ZFP62: variants seen among roughly 807,000 people sequenced by gnomAD.
ZFP62 encodes the protein ZFP62 zinc finger protein, also known as zinc finger protein 62 homolog.
A neutral mutation model predicts 56.4 loss-of-function variants in ZFP62; 44 were observed. The ratio of observed to expected loss-of-function variants is 0.78; its 90% CI spans 0.61 to 1.00. ZFP62 has a LOEUF of 1.00. ZFP62 is among the 50% of genes least tolerant of loss of function. ZFP62 has a pLI of 0.00. For synonymous variants in ZFP62, 421 were observed against 388.9 expected, an observed-to-expected ratio of 1.08 and a Z score of -0.97; for missense variants, 1,030 against 1,085.7, an observed-to-expected ratio of 0.95 and a Z score of 0.72.
At chr5:180,855,248 G>C (rs573055764) in intron 1 of ZFP62, among the ~76,000 whole-genome samples, 3 of 152,180 alleles carry the variant, frequency 2.0e-5, no homozygotes, top group Non-Finnish European at 4.4e-5. Flanking sequence ...AATTTTTTCT[G>C]TGCATTTGAA....
At chr5:180,845,175 A>C (rs1773387746), downstream of ZFP62, among the ~76,000 whole-genome samples, 1 of 151,778 alleles carries the variant, frequency 6.6e-6, no homozygotes, top group East Asian at 1.9e-4. Flanking sequence ...CTCTACCAAA[A>C]ATACCAAAGT....
rs146592729 is a variant in ZFP62, at chr5:180,853,262, T to C, written c.2-1769A>G. 4.6e-5 allele frequency among the ~76,000 whole-genome samples: 7 copies of C among 152,358 alleles called. No individual in the cohort carries two copies. In the East Asian group the frequency reaches 7.7e-4, roughly 17 times the overall value. On this transcript the variant is annotated intron_variant, in intron 1 of 1. Coordinates refer to ENST00000502412, the MANE Select transcript of ZFP62 (RefSeq NM_001172638.2). ...AAAAAGGACGAGGAGCGCTTCTGAA[T>C]TGATATGGAGCAATCTGTATATCCT...
the ZFP62 span, chr5:180,832,049 A>C: frequency 6.6e-6 from 1 of 152,574 alleles, no homozygotes; most frequent in African/African-American, 2.4e-5. Flanking sequence ...AGATCGCACC[A>C]TTGCACTCCA....
downstream of ZFP62, among the ~76,000 whole-genome samples, chr5:180,842,934 TG>T (rs1229123505): frequency 2.0e-5 from 3 of 151,216 alleles, no homozygotes; most frequent in Admixed American, 6.6e-5. Context: ...TCCCAGCTAC[TG>T]GGGAGGCTGA....
rs569620866 is a variant in ZFP62 at position 180,853,245 on chromosome 5, C to T, written c.2-1752G>A. ...TACACAACGGAGTACTGAAAAAGGACGAGGAGCGCTTCTGAATTGATATGG... is the reference window on the plus strand; with the variant it reads ...TACACAACGGAGTACTGAAAAAGGATGAGGAGCGCTTCTGAATTGATATGG... On this transcript the variant is annotated intron_variant, in intron 1 of 1. Transcript: ENST00000502412. 4.0e-4 allele frequency among the ~76,000 whole-genome samples: 61 copies of T among 152,228 alleles called. 1 individual carries two copies. In the Middle Eastern group the frequency reaches 0.01, roughly 25 times the overall value.
downstream of ZFP62, among the ~76,000 whole-genome samples, chr5:180,844,192 T>G (rs931712616): frequency 6.6e-6 from 1 of 152,268 alleles, no homozygotes; most frequent in Non-Finnish European, 1.5e-5. Context: ...GATAGTCAAT[T>G]TAACAACGTT....
chr5:180,832,063 T>A, the ZFP62 span: 1 of 152,366 alleles, frequency 6.6e-6, no homozygotes, highest in Non-Finnish European at 1.5e-5. Flanking sequence ...CACTCCAGCC[T>A]GGGTGACAAG....
the ZFP62 span, chr5:180,832,879 C>T: frequency 6.6e-6 from 1 of 152,190 alleles, no homozygotes; most frequent in African/African-American, 2.4e-5. Flanking sequence ...GACACTTGCT[C>T]AAGTTTGAGA....
chr5:180,840,770 T>C, the ZFP62 span, among the ~76,000 whole-genome samples: 3 of 142,482 alleles, frequency 2.1e-5, no homozygotes, highest in African/African-American at 7.9e-5. Flanking sequence ...AAAAAAAAAA[T>C]AGAAGTAGCT....
the ZFP62 span, chr5:180,829,943 A>G: frequency 6.6e-6 from 1 of 152,172 alleles, no homozygotes; most frequent in Non-Finnish European, 1.5e-5. Context: ...ATACCAAAGA[A>G]AATAAGAATC....
chr5:180,858,257 C>CAAAAAAAAAAAAAAAAAAAAAA (rs1159409435), intron 1 of ZFP62, among the ~76,000 whole-genome samples: 2 of 40,266 alleles, frequency 5.0e-5, no homozygotes, highest in African/African-American at 1.6e-4. Context: ...AACTCTGTCT[C>CAAAAAAAAAAAAAAAAAAAAAA]AAAAAAAAAA....
rs1773604191 is a variant in ZFP62 at position 180,849,980 on chromosome 5, A to G, written c.1515T>C (p.Tyr505=). 12 of 1,551,262 alleles carry G rather than the reference A, an allele frequency of 7.7e-6. No homozygotes were observed. Among genetic ancestry groups the G allele is most frequent in the Non-Finnish European group, 1.0e-5 (12 of 1,146,890 alleles). ...HKGIHLGEKP[Y]KCSYCEKSFN... is the part of the protein sequence containing the mutation. ...AGGATTTCTCACAATAGCTACATTT[A>G]TAGGGCTTCTCCCCAAGGTGGATTC... Residue 505 remains tyrosine (Y), a synonymous_variant, in exon 2 of 2, where the codon TAT becomes TAC. Coordinates refer to ENST00000502412, the MANE Select transcript of ZFP62 (RefSeq NM_001172638.2).
At position 180,849,740 on chromosome 5, in the gene ZFP62, C is replaced by A. The variant is rs1289457951; in HGVS notation, c.1755G>T (p.Gly585=). The A allele has an allele frequency of 1.3e-6, 2 of 1,551,614 alleles. No homozygotes were observed. The highest frequency in any genetic ancestry group is 2.7e-5 in the African/African-American group (2 of 72,990). Residue 585 remains glycine, a synonymous_variant, in exon 2 of 2, where the codon GGG becomes GGT. Coordinates refer to ENST00000502412, the MANE Select transcript of ZFP62 (RefSeq NM_001172638.2). ...SLINHKSVHP[G]EKPFKCDECE... is the part of the protein sequence containing the mutation. ...ACTCGTCACACTTAAAGGGCTTCTC[C>A]CCAGGGTGTACACTTTTATGATTTA...
intron 1 of ZFP62, among the ~76,000 whole-genome samples, chr5:180,853,137 T>C (rs1773799530): frequency 2.0e-5 from 3 of 152,246 alleles, no homozygotes; most frequent in Non-Finnish European, 4.4e-5. Flanking sequence ...AGTGACTCAT[T>C]ATAGCATTAA....
rs1458618612 is a variant in ZFP62, at chr5:180,851,233, C to T, written c.262G>A (p.Glu88Lys). The T allele has an allele frequency of 6.4e-7, 1 of 1,551,558 alleles. No individual in the cohort carries two copies. Among genetic ancestry groups the T allele is most frequent in the African/African-American group, 1.4e-5 (1 of 73,036 alleles). The change falls in exon 2 of 2, where the codon GAG (glutamate) becomes AAG (lysine). Residue 88 changes from glutamate to lysine, a missense_variant. Transcript: ENST00000502412. ...AGATGCAAGCTCTTCTCAGATGCCT[C>T]ACCTTCCTGTTCTGTCTTTATATTT... ...TANIKTEQEG[E>K]ASEKSLHLSP...
chr5:180,835,106 C>T, the ZFP62 span: 1 of 152,272 alleles, frequency 6.6e-6, no homozygotes, highest in South Asian at 2.1e-4. Context: ...AGTTGGAAGG[C>T]CTGAGAAACA....
At chr5:180,836,994 A>C in the ZFP62 span, among the ~76,000 whole-genome samples, 4 of 152,256 alleles carry the variant, frequency 2.6e-5, no homozygotes, top group Admixed American at 1.3e-4. Context: ...TTCTGCAGAT[A>C]CATGTGTAGC....
At chr5:180,847,432 AAATCTATCCTGTGCTCCTCCT>A (rs1329475894), downstream of ZFP62, among the ~76,000 whole-genome samples, 1 of 152,174 alleles carries the variant, frequency 6.6e-6, no homozygotes, top group African/African-American at 2.4e-5. Flanking sequence ...GGTCCCCTCA[AAATCTATCCTGTGCTCCTCCT>A]AGGGAGGCAC....
the ZFP62 span, among the ~76,000 whole-genome samples, chr5:180,833,268 C>A: frequency 6.6e-6 from 1 of 151,948 alleles, no homozygotes; most frequent in South Asian, 2.1e-4. Flanking sequence ...ATCACGAGGT[C>A]AAGAGATCGA....
Sources: gnomAD v4.1 joint callset for allele counts (sites outside exome capture counted in the v4.1 genomes callset) on GRCh38, gnomAD v4.1.1 for gene constraint, MANE v1.5 for transcripts, NCBI Gene and HGNC (gene_info 2026-07-23, HGNC 2026-07-21) for gene names.